Variants in NANOS3 observed in about 807,000 individuals in gnomAD.
NANOS3 encodes nanos homolog 3.
NANOS3 carries 11 observed loss-of-function variants against 13.8 expected under a neutral mutation model. The ratio of observed to expected loss-of-function variants is 0.80; its 90% confidence interval spans 0.50 to 1.32. NANOS3 has a LOEUF of 1.32. Among genes scored for constraint, NANOS3 ranks in the 40% most tolerant of loss-of-function variants. The probability of loss-of-function intolerance (pLI) is 0.00; values close to 1 mark genes in which losing one functional copy is unlikely to be tolerated. For missense variants in NANOS3, 221 were observed against 263.8 expected (o/e 0.84, Z 1.12); for synonymous variants, 119 against 115.4 (o/e 1.03, Z -0.20).
At chr19:13,870,709 A>C (rs1250407721) in intron 1 of NANOS3, among the ~76,000 whole-genome samples, 1 of 151,540 alleles carries the variant, frequency 6.6e-6, no homozygotes, top group Non-Finnish European at 1.5e-5. Flanking sequence ...CTGGGACTAC[A>C]GGTGTGCGCC....
upstream of NANOS3, among the ~76,000 whole-genome samples, chr19:13,876,680 A>C (rs992704675): frequency 7.0e-6 from 1 of 142,132 alleles, no homozygotes; most frequent in Non-Finnish European, 1.5e-5. Context: ...AGCATCAGCA[A>C]CCTCCCGCCT....
rs748733428 is a variant in NANOS3 at position 13,877,521 on chromosome 19, G to A, written c.273G>A (p.Gln91=). The part of the protein sequence containing the change: ...KHNGESRAIY[Q]SHVLKDEAGR... ...ACGGCGAGTCCCGGGCCATCTACCA[G>A]TCCCACGTGCTGAAGGACGAGGCTG... Residue 91 remains glutamine, a synonymous_variant, in exon 1 of 2, where the codon CAG becomes CAA. Transcript: ENST00000339133. 1.2e-6 allele frequency: 2 copies of A among 1,612,138 alleles called. No homozygotes were observed. The highest frequency in any genetic ancestry group is 1.7e-6 in the Non-Finnish European group (2 of 1,180,008).
chr19:13,880,635 TG>T lies in NANOS3; in HGVS notation c.*134del. 1.3e-6 allele frequency: 1 copy of T among 766,684 alleles called. No homozygotes were observed. The highest frequency in any genetic ancestry group is 2.2e-6 in the Non-Finnish European group (1 of 456,712). The allele number at this position is 766,684 out of a possible 1,614,324, so 47.5% of individuals were successfully genotyped here. ...TTGAGCCCTGGGGATGACCCGGGGT[TG>T]GCAAGGGAAGAGCTGAAATCGCCCT... On this transcript the variant is annotated 3_prime_UTR_variant, in exon 2 of 2. Transcript: ENST00000339133.
In NANOS3 at chr19:13,871,184, G is replaced by A. The variant is rs1976322485; in HGVS notation, n.21+5747G>A. 2.6e-5 allele frequency among the ~76,000 whole-genome samples: 4 copies of A among 152,110 alleles called. No homozygotes were observed. In the South Asian group the frequency reaches 8.3e-4, roughly 32 times the overall value. On this transcript the variant is annotated intron_variant and non_coding_transcript_variant, in intron 1 of 2. Coordinates refer to the NANOS3 transcript ENST00000591161. ...CTCCCTCAGGGGACAGGAGGGGACA[G>A]GTATCACGGTCACCAGTCACAGACA...
At chr19:13,864,947 C>T (rs775670727), upstream of NANOS3, among the ~76,000 whole-genome samples, 5 of 152,026 alleles carry the variant, frequency 3.3e-5, no homozygotes, top group African/African-American at 1.2e-4. Flanking sequence ...GTCTGTGGCC[C>T]GCGTGCCTTT....
chr19:13,872,862 G>A (rs1968422779), upstream of NANOS3, among the ~76,000 whole-genome samples: 1 of 152,228 alleles, frequency 6.6e-6, no homozygotes. Context: ...GACCCGGGGC[G>A]GGTGAGAGGG....
At chr19:13,871,523 G>C (rs1481096159) in intron 1 of NANOS3, among the ~76,000 whole-genome samples, 1 of 152,204 alleles carries the variant, frequency 6.6e-6, no homozygotes, top group Non-Finnish European at 1.5e-5. Flanking sequence ...GTGGTCTTGT[G>C]TCTTGTCTTA....
chr19:13,877,873 T>C (rs1968551707), intron 1 of NANOS3, 108 bp downstream of exon 1: 1 of 1,439,488 alleles, frequency 6.9e-7, no homozygotes, highest in Admixed American at 2.8e-5. Flanking sequence ...GGGAAGACCT[T>C]AGAGAGAGCT....
chr19:13,878,631 A>C (rs1968568540), intron 1 of NANOS3, among the ~76,000 whole-genome samples: 2 of 141,562 alleles, frequency 1.4e-5, no homozygotes, highest in Non-Finnish European at 3.0e-5. Context: ...TTTTTTTGAG[A>C]TAGAGTCTCG....
intron 1 of NANOS3, among the ~76,000 whole-genome samples, chr19:13,871,828 T>C (rs561840983): frequency 1.9e-4 from 28 of 151,344 alleles, no homozygotes; most frequent in African/African-American, 6.8e-4. Flanking sequence ...CTACAAAACT[T>C]TTTTTTATTT....
chr19:13,874,194 C>T (rs1308516696), upstream of NANOS3, among the ~76,000 whole-genome samples: 1 of 152,134 alleles, frequency 6.6e-6, no homozygotes, highest in Admixed American at 6.5e-5. Context: ...CACCCCCAAG[C>T]GCTCCACTCA....
At chr19:13,867,953 A>G (rs1379741992) in intron 1 of NANOS3, among the ~76,000 whole-genome samples, 1 of 152,144 alleles carries the variant, frequency 6.6e-6, no homozygotes, top group African/African-American at 2.4e-5. Context: ...TAACACATGC[A>G]TACACACTGG....
intron 1 of NANOS3, among the ~76,000 whole-genome samples, chr19:13,869,179 T>G (rs1187468180): frequency 6.6e-6 from 1 of 152,128 alleles, no homozygotes; most frequent in African/African-American, 2.4e-5. Flanking sequence ...TAAAAAATTT[T>G]TTTAATTTGT....
upstream of NANOS3, among the ~76,000 whole-genome samples, chr19:13,863,977 C>T (rs1393706240): frequency 1.3e-5 from 2 of 151,984 alleles, no homozygotes; most frequent in Non-Finnish European, 2.9e-5. Flanking sequence ...TGGAAGGGGG[C>T]CAGTCAAAGG....
chr19:13,865,554 A>T (rs866069480), intron 1 of NANOS3: 6 of 144,656 alleles, frequency 4.1e-5, no homozygotes, highest in Admixed American at 4.1e-4. Flanking sequence ...ACCTGCTCGC[A>T]GCCCCGGGGC....
Position 13,880,477 on chromosome 19 carries a change from T to C in NANOS3, c.553T>C (p.Ser185Pro), listed in dbSNP as rs1968614950. 1 of 1,613,960 alleles carries C rather than the reference T, an allele frequency of 6.2e-7. No homozygotes were observed. The highest frequency in any genetic ancestry group is 8.5e-7 in the Non-Finnish European group (1 of 1,179,888). The change falls in exon 2 of 2, where the codon TCC becomes CCC. Residue 185 changes from serine to proline, a missense_variant. Physicochemically the swap from Ser to Pro is moderately conservative, Grantham distance 74. Coordinates refer to ENST00000339133, the MANE Select transcript of NANOS3 (RefSeq NM_001098622.3). ...TGCCGGGAAGTCTGAGCCTTCGCCCTCCTGCTCTCCCTCCATGTCCACCTA... is the reference window on the plus strand; with the variant it reads ...TGCCGGGAAGTCTGAGCCTTCGCCCCCCTGCTCTCCCTCCATGTCCACCTA... ...RGAGKSEPSP[S>P]CSPSMST
At chr19:13,867,164 C>T (rs553044692) in intron 1 of NANOS3, among the ~76,000 whole-genome samples, 53 of 152,210 alleles carry the variant, frequency 3.5e-4, no homozygotes, top group Middle Eastern at 3.4e-3. Flanking sequence ...TGGTCTTGAA[C>T]TCCTGACCTC....
At chr19:13,879,965 G>A (rs746529784) in intron 1 of NANOS3, among the ~76,000 whole-genome samples, 40 of 152,296 alleles carry the variant, frequency 2.6e-4, no homozygotes, top group Non-Finnish European at 4.3e-4. Context: ...GGTGGAGGTC[G>A]CAGTGAGCTG....
upstream of NANOS3, among the ~76,000 whole-genome samples, chr19:13,872,711 G>T (rs1054389207): frequency 6.6e-6 from 1 of 152,354 alleles, no homozygotes; most frequent in South Asian, 2.1e-4. Flanking sequence ...GACACCTGGG[G>T]TGGAGGTGGC....
Sources: allele counts gnomAD v4.1 joint callset (sites outside exome capture counted in the v4.1 genomes callset), GRCh38; gene constraint gnomAD v4.1.1; transcripts MANE v1.5; gene names NCBI Gene and HGNC (gene_info 2026-07-23, HGNC 2026-07-21).